The following RXFP2 variants were observed in gnomAD, a reference collection of about 807,000 sequenced individuals.
RXFP2 encodes relaxin receptor 2.
RXFP2 carries 68 observed loss-of-function variants against 88.6 expected under a neutral mutation model. The observed-to-expected ratio is 0.77, with a 90% CI of 0.63 to 0.94. RXFP2 has a LOEUF of 0.94. Ranked by LOEUF, RXFP2 falls within the 40% of genes least tolerant of loss-of-function variation. The pLI is 0.00. For synonymous variants in RXFP2, 329 were observed against 306.8 expected (o/e 1.07, Z -0.76); for missense variants, 791 against 893.9 (o/e 0.88, Z 1.47).
rs917115318 is a variant in RXFP2 at position 31,781,552 on chromosome 13, G to A, written c.786-119G>A. The stretch of plus-strand genomic sequence containing the variant: ...ATACTAACCTTGCAATAATTAGGAG[G>A]AAAGATAGTAACAACTGGAATGAAG... On this transcript the variant is annotated intron_variant, in intron 9 of 17. Coordinates refer to ENST00000298386, the MANE Select transcript of RXFP2 (RefSeq NM_130806.5). 7.6e-5 allele frequency: 49 copies of A among 644,232 alleles called. No individual in the cohort carries two copies. In the Middle Eastern group the frequency reaches 2.5e-3, roughly 33 times the overall value. 39.9% of individuals were successfully genotyped at this position (644,232 alleles called of 1,614,324 possible). A position where few individuals can be genotyped will look rare whatever the true frequency, so the allele number is the denominator to read the frequency against.
intron 1 of RXFP2, among the ~76,000 whole-genome samples, chr13:31,757,565 T>C (rs905415748): frequency 1.3e-5 from 2 of 152,264 alleles, no homozygotes; most frequent in African/African-American, 4.8e-5. Flanking sequence ...ATTTTTATCA[T>C]GTCACCTCAA....
rs201261266 is a variant in RXFP2, at chr13:31,745,181, AG to A, written c.94+5476del. Reference sequence around the variant, plus strand: ...TCAGACTCCATCTAAAAAAAAAAAAAGCTCTATCATCTCTTTCCCAGGTATG... The same window carrying A: ...TCAGACTCCATCTAAAAAAAAAAAAACTCTATCATCTCTTTCCCAGGTATG... On this transcript the variant is annotated intron_variant, in intron 1 of 17. Coordinates refer to ENST00000298386, the MANE Select transcript of RXFP2 (RefSeq NM_130806.5). 5.9e-3 allele frequency among the ~76,000 whole-genome samples: 897 copies of A among 151,830 alleles called. 9 individuals are homozygous for A. Among genetic ancestry groups the A allele is most frequent in the African/African-American group, 0.021 (860 of 41,410 alleles).
intron 5 of RXFP2, among the ~76,000 whole-genome samples, chr13:31,771,717 A>T (rs1872741124): frequency 1.3e-5 from 2 of 152,004 alleles, no homozygotes. Context: ...GCTTGACCCC[A>T]AAAAGTCCAG....
intron 1 of RXFP2, among the ~76,000 whole-genome samples, chr13:31,744,565 C>A (rs1432780007): frequency 6.6e-6 from 1 of 152,146 alleles, no homozygotes; most frequent in African/African-American, 2.4e-5. Context: ...CTGTTCTGTG[C>A]CATATTATTC....
intron 1 of RXFP2, among the ~76,000 whole-genome samples, chr13:31,746,079 C>T (rs1035797536): frequency 2.6e-5 from 4 of 152,180 alleles, no homozygotes; most frequent in African/African-American, 7.2e-5. Context: ...ACATAATTAT[C>T]GAGTTTCCAA....
Position 31,786,372 on chromosome 13 carries a change from G to T in RXFP2, c.930-11G>T. ...AAAGTAATTGCTTTGGGTTTTCATT[G>T]TCGTCAACAGGGATCTGTCTAGCAA... On this transcript the variant is annotated splice_polypyrimidine_tract_variant and intron_variant, in intron 11 of 17. Transcript: ENST00000298386. The T allele has an allele frequency of 6.3e-7, 1 of 1,585,590 alleles. No individual in the cohort carries two copies. The highest frequency in any genetic ancestry group is 8.7e-7 in the Non-Finnish European group (1 of 1,154,266).
chr13:31,796,035 A>ATTTTTT (rs1455851997), intron 16 of RXFP2, among the ~76,000 whole-genome samples: 2 of 93,680 alleles, frequency 2.1e-5, no homozygotes, highest in African/African-American at 8.2e-5. Context: ...TCTATGTGTT[A>ATTTTTT]TTCTTTTTTT....
intron 7 of RXFP2, among the ~76,000 whole-genome samples, chr13:31,776,381 G>A (rs937705555): frequency 8.1e-5 from 12 of 148,368 alleles, no homozygotes; most frequent in African/African-American, 3.0e-4. Context: ...TCAGCCTCCT[G>A]AGTAGTTGGG....
At chr13:31,751,322 C>T (rs1871664143) in intron 1 of RXFP2, among the ~76,000 whole-genome samples, 7 of 151,072 alleles carry the variant, frequency 4.6e-5, no homozygotes, top group Admixed American at 3.9e-4. Flanking sequence ...TATATATATA[C>T]ACAATATAGG....
In RXFP2 at chr13:31,792,826, C is replaced by A. The variant is rs1473272706; in HGVS notation, c.1524C>A (p.Val508=). Residue 508 remains valine, a synonymous_variant, in exon 16 of 18, where the codon GTC becomes GTA. Transcript: ENST00000298386. The part of the protein sequence containing the change: ...MGFLAMLSTE[V]SVLLLTYLTL... Reference sequence around the variant, plus strand: ...TCCTGGCCATGCTGTCCACCGAAGTCTCTGTTCTGCTACTGACCTACTTGA... The same window carrying A: ...TCCTGGCCATGCTGTCCACCGAAGTATCTGTTCTGCTACTGACCTACTTGA... The A allele has an allele frequency of 1.2e-6, 2 of 1,614,162 alleles. No homozygotes were observed. Among genetic ancestry groups the A allele is most frequent in the Non-Finnish European group, 1.7e-6 (2 of 1,180,046 alleles).
At chr13:31,765,458 C>T (rs1286677868) in intron 4 of RXFP2, among the ~76,000 whole-genome samples, 1 of 151,598 alleles carries the variant, frequency 6.6e-6, no homozygotes, top group East Asian at 1.9e-4. Context: ...TAAAAGGAAG[C>T]ACACTCACTT....
At chr13:31,772,161 A>G (rs1872758864) in intron 5 of RXFP2, among the ~76,000 whole-genome samples, 1 of 152,178 alleles carries the variant, frequency 6.6e-6, no homozygotes, top group Non-Finnish European at 1.5e-5. Flanking sequence ...TGACTATAAT[A>G]CTTTATCACT....
intron 5 of RXFP2, among the ~76,000 whole-genome samples, chr13:31,769,056 T>C (rs537752117): frequency 3.9e-5 from 6 of 152,310 alleles, no homozygotes; most frequent in African/African-American, 1.4e-4. Context: ...GATGAATATT[T>C]ATTGATACCT....
At chr13:31,749,700 C>A (rs908320724) in intron 1 of RXFP2, among the ~76,000 whole-genome samples, 11 of 152,112 alleles carry the variant, frequency 7.2e-5, no homozygotes, top group African/African-American at 2.7e-4. Context: ...GTTTCATTGT[C>A]TAATTGTGGC....
intron 5 of RXFP2, among the ~76,000 whole-genome samples, chr13:31,769,220 C>T (rs953504825): frequency 3.9e-5 from 6 of 152,050 alleles, no homozygotes; most frequent in African/African-American, 1.4e-4. Context: ...TAAAAATAAA[C>T]CAGAAAGAGG....
At chr13:31,743,964 A>C (rs7331833) in intron 1 of RXFP2, among the ~76,000 whole-genome samples, 90,468 of 151,876 alleles carry the variant, frequency 0.6, 27,328 homozygotes, top group South Asian at 0.7. Flanking sequence ...ATCTATCCCT[A>C]GATTCGCCCC....
intron 1 of RXFP2, among the ~76,000 whole-genome samples, chr13:31,748,703 C>G (rs564920702): frequency 7.5e-4 from 114 of 152,184 alleles, no homozygotes; most frequent in Non-Finnish European, 1.4e-3. Flanking sequence ...AAAAGACAGG[C>G]CAGGCACTGT....
chr13:31,751,051 A>G (rs1871648086), intron 1 of RXFP2, among the ~76,000 whole-genome samples: 1 of 152,168 alleles, frequency 6.6e-6, no homozygotes, highest in African/African-American at 2.4e-5. Context: ...GCACTTTGGG[A>G]GGCTGAGGTG....
At chr13:31,779,018 T>A (rs1294816447) in intron 9 of RXFP2, among the ~76,000 whole-genome samples, 1 of 152,084 alleles carries the variant, frequency 6.6e-6, no homozygotes, top group Non-Finnish European at 1.5e-5. Context: ...GCCACCTATG[T>A]ACTCCCACAC....
Sources: allele counts gnomAD v4.1 joint callset (sites outside exome capture counted in the v4.1 genomes callset), GRCh38; gene constraint gnomAD v4.1.1; transcripts MANE v1.5; gene names NCBI Gene and HGNC (gene_info 2026-07-23, HGNC 2026-07-21).